The following CSNK2A2IP variants were observed in gnomAD, a reference collection of about 807,000 sequenced individuals.
CSNK2A2IP encodes the protein casein kinase 2 subunit alpha' interacting protein.
At chr3:88,384,816 ATATTTGGGGG>A in the CSNK2A2IP span, among the ~76,000 whole-genome samples, 2 of 152,166 alleles carry the variant, frequency 1.3e-5, no homozygotes, top group Non-Finnish European at 2.9e-5. Context: ...AGATTGGTAT[ATATTTGGGGG>A]TAGAATTGAA....
chr3:88,374,668 A>G, the CSNK2A2IP span, among the ~76,000 whole-genome samples: 1 of 151,682 alleles, frequency 6.6e-6, no homozygotes, highest in South Asian at 2.1e-4. Flanking sequence ...TAATTATGCT[A>G]CAGCCAAACT....
chr3:88,346,415 A>G, the CSNK2A2IP span, among the ~76,000 whole-genome samples: 2 of 152,040 alleles, frequency 1.3e-5, no homozygotes, highest in Non-Finnish European at 2.9e-5. Context: ...AGGAGAAGTC[A>G]ATGTCTGGCT....
the CSNK2A2IP span, among the ~76,000 whole-genome samples, chr3:88,453,219 A>T: frequency 6.6e-6 from 1 of 152,128 alleles, no homozygotes; most frequent in African/African-American, 2.4e-5. Flanking sequence ...AACTTAGTGC[A>T]CTAAGAATTA....
the CSNK2A2IP span, among the ~76,000 whole-genome samples, chr3:88,352,768 G>GAAA: frequency 6.6e-6 from 1 of 151,874 alleles, no homozygotes; most frequent in African/African-American, 2.4e-5. Flanking sequence ...TAAAAATGAA[G>GAAA]AAATAGTGAG....
chr3:88,445,907 C>CT, the CSNK2A2IP span, among the ~76,000 whole-genome samples: 320 of 147,504 alleles, frequency 2.2e-3, no homozygotes, highest in African/African-American at 8.1e-3. Context: ...TTCTTTCTTT[C>CT]TTCTTTCTCT....
the CSNK2A2IP span, among the ~76,000 whole-genome samples, chr3:88,341,184 T>C: frequency 6.6e-6 from 1 of 151,930 alleles, no homozygotes; most frequent in South Asian, 2.1e-4. Context: ...TTATTGCTAT[T>C]CTATATAAAA....
chr3:88,364,422 G>A, the CSNK2A2IP span, among the ~76,000 whole-genome samples: 83 of 151,906 alleles, frequency 5.5e-4, 1 homozygote, highest in Middle Eastern at 0.024. Context: ...TACTATTGCC[G>A]TGGATTCAAC....
chr3:88,441,275 G>A, the CSNK2A2IP span, among the ~76,000 whole-genome samples: 1 of 152,162 alleles, frequency 6.6e-6, no homozygotes, highest in South Asian at 2.1e-4. Context: ...GGGTCTGGAA[G>A]ACAAGTGTGT....
chr3:88,432,617 TTAAA>T, the CSNK2A2IP span, among the ~76,000 whole-genome samples: 1,003 of 151,770 alleles, frequency 6.6e-3, 12 homozygotes, highest in Non-Finnish European at 9.3e-3. Flanking sequence ...GCTGCAAACT[TTAAA>T]TATATACAAC....
the CSNK2A2IP span, among the ~76,000 whole-genome samples, chr3:88,374,187 GA>G: frequency 4.6e-5 from 7 of 151,618 alleles, no homozygotes; most frequent in African/African-American, 1.7e-4. Context: ...AGTTGATGGT[GA>G]ATTAAATTAA....
the CSNK2A2IP span, among the ~76,000 whole-genome samples, chr3:88,441,450 T>C: frequency 0.034 from 5,202 of 152,272 alleles, 145 homozygotes; most frequent in Middle Eastern, 0.13. Flanking sequence ...CCTTCAGCTG[T>C]TGTACCAAGA....
chr3:88,423,604 G>A, the CSNK2A2IP span, among the ~76,000 whole-genome samples: 1 of 152,070 alleles, frequency 6.6e-6, no homozygotes. Flanking sequence ...ACTAATATGT[G>A]AAGAAAACCT....
At chr3:88,350,816 T>G in the CSNK2A2IP span, among the ~76,000 whole-genome samples, 1 of 152,112 alleles carries the variant, frequency 6.6e-6, no homozygotes, top group Non-Finnish European at 1.5e-5. Flanking sequence ...GTATGTTTCT[T>G]TACTACAGAG....
chr3:88,414,660 T>C, the CSNK2A2IP span, among the ~76,000 whole-genome samples: 1 of 152,000 alleles, frequency 6.6e-6, no homozygotes, highest in Non-Finnish European at 1.5e-5. Context: ...ATTTAGAGTA[T>C]ACAATTTTTA....
the CSNK2A2IP span, among the ~76,000 whole-genome samples, chr3:88,428,333 A>G: frequency 1.3e-5 from 2 of 152,136 alleles, no homozygotes; most frequent in African/African-American, 4.8e-5. Flanking sequence ...CTTGTCTCAG[A>G]TGAGACTTTG....
At chr3:88,463,812 A>G in the CSNK2A2IP span, among the ~76,000 whole-genome samples, 1 of 152,128 alleles carries the variant, frequency 6.6e-6, no homozygotes, top group Admixed American at 6.5e-5. Context: ...GTATATACCC[A>G]AAGGATTATA....
chr3:88,458,141 G>GGTTTTTTTTTTTTTT, the CSNK2A2IP span, among the ~76,000 whole-genome samples: 4 of 83,304 alleles, frequency 4.8e-5, 2 homozygotes. Context: ...TGTAATTGTG[G>GGTTTTTTTTTTTTTT]TTTTTTTTTT....
the CSNK2A2IP span, among the ~76,000 whole-genome samples, chr3:88,350,850 A>T: frequency 6.6e-6 from 1 of 152,120 alleles, no homozygotes; most frequent in Non-Finnish European, 1.5e-5. Context: ...AGAAGTCTCT[A>T]TGCTCCCATG....
chr3:88,430,572 G>T, the CSNK2A2IP span, among the ~76,000 whole-genome samples: 63 of 151,946 alleles, frequency 4.1e-4, no homozygotes, highest in African/African-American at 1.4e-3. Context: ...ATGAGACAAA[G>T]AAATGGAAAA....
Sources: gnomAD v4.1 joint callset for allele counts (sites outside exome capture counted in the v4.1 genomes callset) on GRCh38, gnomAD v4.1.1 for gene constraint, MANE v1.5 for transcripts, NCBI Gene and HGNC (gene_info 2026-07-23, HGNC 2026-07-21) for gene names.